Variants in PRKCE observed in about 807,000 individuals in gnomAD.
PRKCE encodes the protein protein kinase C epsilon type.
PRKCE carries 16 observed loss-of-function variants against 85.4 expected under a neutral mutation model. That is an observed-to-expected ratio of 0.19 (90% confidence interval 0.13 to 0.28). PRKCE has a LOEUF of 0.28. Ranked by LOEUF, PRKCE falls within the 10% of genes least tolerant of loss-of-function variation. The pLI, the probability that PRKCE is intolerant of heterozygous loss-of-function variation, is 1.00. For missense variants in PRKCE, 573 were observed against 975.2 expected (o/e 0.59, Z 5.49); for synonymous variants, 388 against 371.5 (o/e 1.04, Z -0.51).
chr2:45,808,465 C>T (rs1030721939), intron 1 of PRKCE, among the ~76,000 whole-genome samples: 1 of 152,212 alleles, frequency 6.6e-6, no homozygotes, highest in Non-Finnish European at 1.5e-5. Context: ...GGAGGAAACT[C>T]AACAGGTGTT....
chr2:45,919,142 G>A (rs1490206929), intron 2 of PRKCE, among the ~76,000 whole-genome samples: 1 of 152,194 alleles, frequency 6.6e-6, no homozygotes, highest in Non-Finnish European at 1.5e-5. Flanking sequence ...CAAGACATCA[G>A]GGGTAGGGAG....
At chr2:45,839,161 G>A (rs1159101438) in intron 1 of PRKCE, among the ~76,000 whole-genome samples, 1 of 151,888 alleles carries the variant, frequency 6.6e-6, no homozygotes, top group Non-Finnish European at 1.5e-5. Context: ...AAGGTAAGGT[G>A]CCAAGTGCTT....
At chr2:45,761,056 G>C (rs1481312695) in intron 1 of PRKCE, among the ~76,000 whole-genome samples, 1 of 152,060 alleles carries the variant, frequency 6.6e-6, no homozygotes, top group Non-Finnish European at 1.5e-5. Context: ...GGCCGGGCAT[G>C]GTGGCTCACG....
At chr2:45,761,323 T>A (rs1358209984) in intron 1 of PRKCE, among the ~76,000 whole-genome samples, 2 of 41,104 alleles carry the variant, frequency 4.9e-5, no homozygotes, top group Admixed American at 3.7e-4. Context: ...CGAGACTCCA[T>A]CTCAAAAAAA....
At position 45,980,372 on chromosome 2, in the gene PRKCE, C is replaced by T; in HGVS notation, c.684C>T (p.Thr228=). 6 of 1,599,660 alleles carry T rather than the reference C, an allele frequency of 3.8e-6. No homozygotes were observed. Among genetic ancestry groups the T allele is most frequent in the Non-Finnish European group, 5.1e-6 (6 of 1,179,928 alleles). ...TKCAGLKKQE[T]PDQVGSQRFS... ...GTGCTGGGTTAAAGAAGCAGGAGACCCCCGACCAGGTAAGTGTTGGTGACA... is the reference window on the plus strand; with the variant it reads ...GTGCTGGGTTAAAGAAGCAGGAGACTCCCGACCAGGTAAGTGTTGGTGACA... The change falls in exon 5 of 15, where the codon ACC becomes ACT. Residue 228 remains threonine (T), a synonymous_variant. Coordinates refer to ENST00000306156, the MANE Select transcript of PRKCE (RefSeq NM_005400.3).
chr2:46,024,050 C>T (rs1706901114), intron 10 of PRKCE, among the ~76,000 whole-genome samples: 1 of 152,160 alleles, frequency 6.6e-6, no homozygotes, highest in South Asian at 2.1e-4. Context: ...TAGCTAGCTT[C>T]TATTATAGAA....
intron 1 of PRKCE, among the ~76,000 whole-genome samples, chr2:45,792,898 A>C (rs185652207): frequency 6.6e-6 from 1 of 152,186 alleles, no homozygotes; most frequent in Non-Finnish European, 1.5e-5. Context: ...TCCCGGGTTC[A>C]GGTGATTCTC....
intron 10 of PRKCE, among the ~76,000 whole-genome samples, chr2:46,060,157 G>A (rs1666964377): frequency 6.6e-6 from 1 of 152,174 alleles, no homozygotes; most frequent in South Asian, 2.1e-4. Context: ...GCTTTGAATT[G>A]CTTACTAGTT....
chr2:45,862,162 A>C (rs1693210699), intron 2 of PRKCE, among the ~76,000 whole-genome samples: 1 of 150,290 alleles, frequency 6.7e-6, no homozygotes, highest in African/African-American at 2.5e-5. Context: ...CCGCCACCCT[A>C]GTGTAACCTT....
At chr2:45,886,806 A>G (rs1695337717) in intron 2 of PRKCE, among the ~76,000 whole-genome samples, 1 of 152,268 alleles carries the variant, frequency 6.6e-6, no homozygotes. Flanking sequence ...AAGTGCCTTT[A>G]AAAGTGTGGG....
intron 14 of PRKCE, among the ~76,000 whole-genome samples, chr2:46,177,213 C>T (rs894539026): frequency 5.3e-5 from 8 of 152,302 alleles, no homozygotes; most frequent in African/African-American, 1.9e-4. Flanking sequence ...CCCAGGAATT[C>T]AAGACCAGCC....
chr2:46,045,614 C>G (rs1708475128), intron 10 of PRKCE, among the ~76,000 whole-genome samples: 1 of 152,232 alleles, frequency 6.6e-6, no homozygotes, highest in South Asian at 2.1e-4. Context: ...CATGGTCACT[C>G]TCGCCTGTAA....
intron 5 of PRKCE, 100 bp from the exon 6 acceptor site, chr2:45,984,451 C>T: frequency 6.6e-7 from 1 of 1,516,576 alleles, no homozygotes; most frequent in South Asian, 1.3e-5. Context: ...CCTACAATGA[C>T]ACAAGCTCTC....
At chr2:45,985,516 A>G (rs1191349624) in intron 6 of PRKCE, among the ~76,000 whole-genome samples, 1 of 152,192 alleles carries the variant, frequency 6.6e-6, no homozygotes, top group Non-Finnish European at 1.5e-5. Context: ...TGTGGAATGT[A>G]TTATTCATAA....
rs1691400818 is a variant in PRKCE, at chr2:45,842,122, A to T, written c.349-878A>T. Among the ~76,000 whole-genome samples, 3 of 152,166 alleles carry T rather than the reference A, an allele frequency of 2.0e-5. No individual in the cohort carries two copies. In the South Asian group the frequency reaches 6.2e-4, roughly 32 times the overall value. ...TAAGGATAGTTCAGTCCTTGCAAAG[A>T]TGTCTTTAACTACAAGAGGCCCAGC... On this transcript the variant is annotated intron_variant, in intron 1 of 14. Coordinates refer to ENST00000306156, the MANE Select transcript of PRKCE (RefSeq NM_005400.3).
chr2:46,017,023 CT>C (rs11393310), intron 10 of PRKCE, among the ~76,000 whole-genome samples: 1 of 147,266 alleles, frequency 6.8e-6, no homozygotes. Context: ...TTCACTCCCC[CT>C]TTTTTTTTTC....
intron 10 of PRKCE, among the ~76,000 whole-genome samples, chr2:46,048,167 G>A (rs923745406): frequency 5.9e-5 from 9 of 152,086 alleles, no homozygotes; most frequent in Admixed American, 2.6e-4. Flanking sequence ...GCACTTAGGG[G>A]AAAAGGAGAA....
intron 10 of PRKCE, among the ~76,000 whole-genome samples, chr2:46,064,280 C>CAAAAAAAA (rs58347072): frequency 3.3e-5 from 3 of 90,842 alleles, no homozygotes; most frequent in Non-Finnish European, 6.9e-5. Context: ...GACTCTGTCT[C>CAAAAAAAA]AAAAAAAAAA....
intron 1 of PRKCE, among the ~76,000 whole-genome samples, chr2:45,781,281 G>A (rs1306666542): frequency 6.6e-6 from 1 of 152,164 alleles, no homozygotes; most frequent in Non-Finnish European, 1.5e-5. Context: ...AGGCTGCAGT[G>A]AGCCGTGATC....
Sources: allele counts gnomAD v4.1 joint callset (sites outside exome capture counted in the v4.1 genomes callset), GRCh38; gene constraint gnomAD v4.1.1; transcripts MANE v1.5; gene names NCBI Gene and HGNC (gene_info 2026-07-23, HGNC 2026-07-21).